Variants in TDRD5 observed in about 807,000 individuals in gnomAD.
TDRD5 encodes the protein tudor domain-containing protein 5.
A neutral mutation model predicts 120.6 loss-of-function variants in TDRD5; 41 were observed. That is an observed-to-expected ratio of 0.34 (90% CI 0.26 to 0.44). The LOEUF is 0.44. Among genes scored for constraint, TDRD5 ranks in the 20% least tolerant of loss-of-function variants. The probability of loss-of-function intolerance (pLI) is 1.00; values close to 1 mark genes in which losing one functional copy is unlikely to be tolerated. For missense variants in TDRD5, 1,006 were observed against 1,221.2 expected (o/e 0.82, Z 2.63); for synonymous variants, 430 against 433.7 (o/e 0.99, Z 0.11).
At chr1:179,616,456 G>T (rs1474628511) in intron 4 of TDRD5, among the ~76,000 whole-genome samples, 1 of 152,044 alleles carries the variant, frequency 6.6e-6, no homozygotes, top group African/African-American at 2.4e-5. Context: ...CTAGAGAGTT[G>T]CAGTGGTTTC....
chr1:179,656,919 G>A (rs931815838), intron 14 of TDRD5, among the ~76,000 whole-genome samples: 1 of 152,140 alleles, frequency 6.6e-6, no homozygotes, highest in Non-Finnish European at 1.5e-5. Context: ...CGAGTGTGGT[G>A]GTGGGCACCT....
intron 4 of TDRD5, among the ~76,000 whole-genome samples, chr1:179,597,439 C>G (rs1267924158): frequency 6.8e-6 from 1 of 147,346 alleles, no homozygotes; most frequent in Non-Finnish European, 1.5e-5. Flanking sequence ...TCAAGTGATT[C>G]TCCTGCCTCA....
At position 179,669,279 on chromosome 1, in the gene TDRD5, C is replaced by T; in HGVS notation, c.2735C>T (p.Ser912Leu). 3 of 1,614,118 alleles carry T rather than the reference C, an allele frequency of 1.9e-6. No individual in the cohort carries two copies. Among genetic ancestry groups the T allele is most frequent in the Non-Finnish European group, 2.5e-6 (3 of 1,180,032 alleles). Residue 912 changes from serine (S) to leucine (L), a missense_variant, in exon 17 of 18, where the codon TCA becomes TTA. By Grantham distance (145) the Ser-to-Leu change is moderately radical. Coordinates refer to ENST00000444136, the MANE Select transcript of TDRD5 (RefSeq NM_001199085.3). ...FCTSLTQSEQ[S>L]ADGSQSEPNN... Reference sequence around the variant, plus strand: ...ACCTCTCTTACCCAGTCAGAGCAGTCAGCAGACGGGAGCCAGTCTGAACCC... The same window carrying T: ...ACCTCTCTTACCCAGTCAGAGCAGTTAGCAGACGGGAGCCAGTCTGAACCC...
intron 4 of TDRD5, among the ~76,000 whole-genome samples, chr1:179,601,432 C>T (rs967798254): frequency 6.6e-6 from 1 of 152,282 alleles, no homozygotes; most frequent in Non-Finnish European, 1.5e-5. Flanking sequence ...TACCCTTCCC[C>T]TCATGTCCCC....
At chr1:179,604,047 A>G (rs894308788) in intron 4 of TDRD5, among the ~76,000 whole-genome samples, 1 of 152,088 alleles carries the variant, frequency 6.6e-6, no homozygotes, top group African/African-American at 2.4e-5. Flanking sequence ...TACCATTTCA[A>G]TTTCACTGTT....
At position 179,690,733 on chromosome 1, in the gene TDRD5, T is replaced by G; in HGVS notation, c.2898T>G (p.Phe966Leu). ...CAGAGATCCTAAAGAATGAAGATTTTTCTAGCAGCCGTGCTATTACATTGT... is the reference window on the plus strand; with the variant it reads ...CAGAGATCCTAAAGAATGAAGATTTGTCTAGCAGCCGTGCTATTACATTGT... ...SSPEILKNED[F>L]SSSRAITLYK... Residue 966 changes from phenylalanine to leucine, a missense_variant, in exon 18 of 18, where the codon TTT becomes TTG. Transcript: ENST00000444136. 1.9e-6 allele frequency: 3 copies of G among 1,614,124 alleles called. 1 individual carries two copies. The highest frequency in any genetic ancestry group is 2.5e-6 in the Non-Finnish European group (3 of 1,179,994).
At chr1:179,639,276 G>A (rs1044618454) in intron 9 of TDRD5, among the ~76,000 whole-genome samples, 6 of 152,140 alleles carry the variant, frequency 3.9e-5, no homozygotes, top group Admixed American at 6.5e-5. Context: ...CACAGAGCTG[G>A]TAAATGATGG....
intron 6 of TDRD5, among the ~76,000 whole-genome samples, chr1:179,627,991 T>C (rs1194608339): frequency 1.3e-5 from 2 of 152,106 alleles, no homozygotes; most frequent in Non-Finnish European, 2.9e-5. Flanking sequence ...TAATAATGGC[T>C]CTTAACAACA....
At chr1:179,661,987 G>T in intron 14 of TDRD5, 117 bp from the exon 15 acceptor site, 1 of 905,122 alleles carries the variant, frequency 1.1e-6, no homozygotes. Context: ...TTAATAAATT[G>T]TGAATTCAAA....
chr1:179,630,799 A>C lies in TDRD5; in HGVS notation c.1005A>C (p.Lys335Asn). Reference protein sequence around the residue: ...VIFKEQLSPKKLGFLNVTELV... With the variant: ...VIFKEQLSPKNLGFLNVTELV... The stretch of plus-strand genomic sequence containing the variant: ...TTAAAGAGCAACTATCACCAAAAAA[A>C]TTAGGCTTCTTAAATGTGACAGAAC... Residue 335 changes from lysine to asparagine, a missense_variant, in exon 7 of 18, where the codon AAA (lysine) becomes AAC (asparagine). Transcript: ENST00000444136. 1 of 1,613,730 alleles carries C rather than the reference A, an allele frequency of 6.2e-7. No homozygotes were observed. Among genetic ancestry groups the C allele is most frequent in the Non-Finnish European group, 8.5e-7 (1 of 1,179,918 alleles).
chr1:179,625,592 A>G (rs1677079960), intron 6 of TDRD5, among the ~76,000 whole-genome samples: 1 of 152,216 alleles, frequency 6.6e-6, no homozygotes, highest in Non-Finnish European at 1.5e-5. Context: ...ACTACTGTGG[A>G]AAATGTTCTT....
At chr1:179,613,709 C>T (rs1356186318) in intron 4 of TDRD5, among the ~76,000 whole-genome samples, 2 of 152,182 alleles carry the variant, frequency 1.3e-5, no homozygotes, top group African/African-American at 4.8e-5. Flanking sequence ...GCACTAATCC[C>T]ATTCATGGGG....
intron 17 of TDRD5, 73 bp from the exon 18 acceptor site, chr1:179,690,623 C>T: frequency 6.5e-7 from 1 of 1,548,478 alleles, no homozygotes; most frequent in Non-Finnish European, 8.7e-7. Flanking sequence ...TAGTATAGAA[C>T]TAGAATGGGG....
intron 17 of TDRD5, among the ~76,000 whole-genome samples, chr1:179,672,961 A>C (rs559915303): frequency 2.6e-5 from 4 of 152,002 alleles, no homozygotes; most frequent in Non-Finnish European, 5.9e-5. Flanking sequence ...CTATGTGCCT[A>C]TCTTTATGCC....
At chr1:179,602,566 T>G (rs946055426) in intron 4 of TDRD5, among the ~76,000 whole-genome samples, 1 of 152,200 alleles carries the variant, frequency 6.6e-6, no homozygotes, top group Non-Finnish European at 1.5e-5. Context: ...AGGTGAGAGA[T>G]GAGGATCCAG....
At chr1:179,629,980 C>CT (rs34963950) in intron 6 of TDRD5, among the ~76,000 whole-genome samples, 16,612 of 139,362 alleles carry the variant, frequency 0.12, 1,105 homozygotes, top group East Asian at 0.18. Context: ...TTTATTCCAA[C>CT]TTTTTTTTTT....
At chr1:179,646,117 G>A (rs1019634972) in intron 11 of TDRD5, among the ~76,000 whole-genome samples, 1 of 151,884 alleles carries the variant, frequency 6.6e-6, no homozygotes, top group South Asian at 2.1e-4. Context: ...ATACTATATG[G>A]TCTACCTATT....
intron 6 of TDRD5, among the ~76,000 whole-genome samples, chr1:179,622,736 T>C (rs536702725): frequency 2.0e-5 from 3 of 152,088 alleles, no homozygotes; most frequent in South Asian, 4.1e-4. Flanking sequence ...AGAAACAAAA[T>C]AGAACTTGAG....
chr1:179,619,562 T>A lies in TDRD5; in HGVS notation c.915+880T>A, dbSNP rs186767891. ...AAAACCTTGATGCATTCAGGCCCTG[T>A]TTTTTTGTTTAGACACTTGAGCAAG... On this transcript the variant is annotated intron_variant, in intron 5 of 17. Transcript: ENST00000444136. Among the ~76,000 whole-genome samples the A allele has an allele frequency of 2.0e-5, 3 of 152,200 alleles. No individual in the cohort carries two copies. In the East Asian group the frequency reaches 5.8e-4, roughly 29 times the overall value.
Sources: gnomAD v4.1 joint callset for allele counts (sites outside exome capture counted in the v4.1 genomes callset) on GRCh38, gnomAD v4.1.1 for gene constraint, MANE v1.5 for transcripts, NCBI Gene and HGNC (gene_info 2026-07-23, HGNC 2026-07-21) for gene names.